MYBL2: variants seen among roughly 807,000 people sequenced by gnomAD.
MYBL2 encodes the protein myb-related protein B.
MYBL2 carries 28 observed loss-of-function variants against 79.9 expected under a neutral mutation model. The observed-to-expected ratio is 0.35, with a 90% confidence interval of 0.26 to 0.48. The LOEUF (loss-of-function observed/expected upper bound fraction) is 0.48, where lower values mean the gene tolerates loss of function less well. Among genes scored for constraint, MYBL2 ranks in the 20% least tolerant of loss-of-function variants. The pLI, the probability that MYBL2 is intolerant of heterozygous loss-of-function variation, is 0.99. For missense variants in MYBL2, 735 were observed against 893.9 expected (o/e 0.82, Z 2.27); for synonymous variants, 378 against 361.2 (o/e 1.05, Z -0.53).
At chr20:43,688,903 C>T (rs552877295) in intron 5 of MYBL2, among the ~76,000 whole-genome samples, 1 of 152,290 alleles carries the variant, frequency 6.6e-6, no homozygotes, top group African/African-American at 2.4e-5. Flanking sequence ...GATTCTCCTG[C>T]CTCAGCCTCC....
Position 43,711,611 on chromosome 20 carries a change from G to T in MYBL2, c.1719+10G>T. ...GAAGAGGAAGCCTGGGGTGAGTAGGGTAGGGGTGGGAGAGCCTGGGCAGGG... is the reference window on the plus strand; with the variant it reads ...GAAGAGGAAGCCTGGGGTGAGTAGGTTAGGGGTGGGAGAGCCTGGGCAGGG... On this transcript the variant is annotated intron_variant, in intron 11 of 13. Coordinates refer to ENST00000217026, the MANE Select transcript of MYBL2 (RefSeq NM_002466.4). 1 of 1,606,600 alleles carries T rather than the reference G, an allele frequency of 6.2e-7. No homozygotes were observed. Among genetic ancestry groups the T allele is most frequent in the South Asian group, 1.1e-5 (1 of 90,020 alleles).
At chr20:43,694,539 T>TA (rs1987487573) in intron 6 of MYBL2, among the ~76,000 whole-genome samples, 1 of 152,188 alleles carries the variant, frequency 6.6e-6, no homozygotes, top group Non-Finnish European at 1.5e-5. Flanking sequence ...TGTTGACAGT[T>TA]ACAATTCTTC....
intron 9 of MYBL2, among the ~76,000 whole-genome samples, chr20:43,707,766 T>A (rs537388951): frequency 1.3e-5 from 2 of 152,186 alleles, no homozygotes; most frequent in South Asian, 4.1e-4. Flanking sequence ...TCTCTATTTT[T>A]TTCCCCCCCG....
chr20:43,672,026 G>T (rs1462065234), intron 1 of MYBL2, among the ~76,000 whole-genome samples: 1 of 151,458 alleles, frequency 6.6e-6, no homozygotes, highest in African/African-American at 2.4e-5. Flanking sequence ...TGGCCAAGAT[G>T]GTGAAACCCT....
At chr20:43,681,171 T>G (rs1987132784) in intron 2 of MYBL2, among the ~76,000 whole-genome samples, 1 of 152,170 alleles carries the variant, frequency 6.6e-6, no homozygotes. Flanking sequence ...TAACTACTCT[T>G]GTTTTTGCCC....
chr20:43,705,076 CTG>C, intron 8 of MYBL2, 141 bp from the exon 9 acceptor site: 1 of 1,033,838 alleles, frequency 9.7e-7, no homozygotes. Flanking sequence ...TCTCGGGTGT[CTG>C]ATGGGTCAAG....
chr20:43,688,141 C>A (rs1284583038), intron 5 of MYBL2, among the ~76,000 whole-genome samples: 1 of 151,122 alleles, frequency 6.6e-6, no homozygotes, highest in Non-Finnish European at 1.5e-5. Flanking sequence ...AAATTATTTT[C>A]CCTAAAAATT....
intron 6 of MYBL2, among the ~76,000 whole-genome samples, chr20:43,694,325 C>G (rs576807365): frequency 4.5e-4 from 68 of 151,980 alleles, no homozygotes; most frequent in Middle Eastern, 6.8e-3. Flanking sequence ...GAGTGAGACT[C>G]TGTCACAAAA....
intron 1 of MYBL2, among the ~76,000 whole-genome samples, chr20:43,672,427 CAAAA>C (rs3091561): frequency 8.3e-5 from 12 of 144,996 alleles, no homozygotes; most frequent in South Asian, 6.6e-4. Flanking sequence ...CCTGTCATTA[CAAAA>C]AAAAAAAAAA....
At chr20:43,711,236 G>A (rs1027917193) in intron 10 of MYBL2, among the ~76,000 whole-genome samples, 1 of 152,224 alleles carries the variant, frequency 6.6e-6, no homozygotes. Flanking sequence ...GCACAGGGCT[G>A]TGTGAGGGTT....
At chr20:43,680,424 A>G (rs915185142) in intron 2 of MYBL2, among the ~76,000 whole-genome samples, 9 of 152,362 alleles carry the variant, frequency 5.9e-5, no homozygotes, top group Admixed American at 1.3e-4. Context: ...GCTTTCATCC[A>G]TGCTGTAGCA....
chr20:43,686,828 G>C, intron 4 of MYBL2, 24 bp from the exon 5 acceptor site: 1 of 1,610,402 alleles, frequency 6.2e-7, no homozygotes, highest in Non-Finnish European at 8.5e-7. Context: ...GGTGCAAGTG[G>C]CTACCCAGAG....
intron 1 of MYBL2, among the ~76,000 whole-genome samples, chr20:43,671,235 A>AG (rs1986846759): frequency 6.6e-6 from 1 of 152,022 alleles, no homozygotes; most frequent in African/African-American, 2.4e-5. Context: ...TGCTCACTGC[A>AG]ACCTCCGCCT....
Position 43,715,257 on chromosome 20 carries a change from C to G in MYBL2, c.1948C>G (p.Arg650Gly). ...GAAGGCAGCAGTGGCCCAGAAGCCC[C>G]GAAGCCACTTCACGACACCTGCCCC... is the stretch of plus-strand genomic sequence containing the variant. ...PEKAAVAQKP[R>G]SHFTTPAPMS... Residue 650 changes from arginine (R) to glycine (G), a missense_variant, in exon 13 of 14, where the codon CGA becomes GGA. Arg to Gly is a moderately radical substitution (Grantham distance 125). Coordinates refer to ENST00000217026, the MANE Select transcript of MYBL2 (RefSeq NM_002466.4). The G allele has an allele frequency of 6.2e-7, 1 of 1,614,216 alleles. No individual in the cohort carries two copies. Among genetic ancestry groups the G allele is most frequent in the Non-Finnish European group, 8.5e-7 (1 of 1,180,034 alleles).
chr20:43,672,401 G>T (rs1240183513), intron 1 of MYBL2, among the ~76,000 whole-genome samples: 1 of 149,810 alleles, frequency 6.7e-6, no homozygotes, highest in East Asian at 2.0e-4. Context: ...GACCAGTCTG[G>T]GTAGCATACT....
At chr20:43,700,522 G>C (rs1032554004) in intron 7 of MYBL2, among the ~76,000 whole-genome samples, 1 of 152,144 alleles carries the variant, frequency 6.6e-6, no homozygotes, top group Non-Finnish European at 1.5e-5. Flanking sequence ...TTACTGTGTT[G>C]GCTGTGTGGT....
At chr20:43,715,661 C>T (rs573984757) in intron 13 of MYBL2, among the ~76,000 whole-genome samples, 20 of 152,278 alleles carry the variant, frequency 1.3e-4, no homozygotes, top group African/African-American at 4.3e-4. Flanking sequence ...GCTGCTGACC[C>T]GTCTCACTGC....
In MYBL2 at chr20:43,710,004, C is replaced by T. The variant is rs201977983; in HGVS notation, c.1547C>T (p.Pro516Leu). 4.3e-6 allele frequency: 7 copies of T among 1,609,264 alleles called. No individual in the cohort carries two copies. Among genetic ancestry groups the T allele is most frequent in the Non-Finnish European group, 5.9e-6 (7 of 1,177,796 alleles). The change falls in exon 10 of 14, where the codon CCC (proline) becomes CTC (leucine). Residue 516 changes from proline to leucine, a missense_variant. This residue lies in a region of MYBL2 where 243 missense variants were observed against 327.2 expected (regional missense o/e 0.74). Coordinates refer to ENST00000217026, the MANE Select transcript of MYBL2 (RefSeq NM_002466.4). The part of the protein sequence containing the change: ...PDQKYSMDNT[P>L]HTPTPFKNAL... ...CAGAAGTACTCCATGGACAACACTC[C>T]CCACACGCCAACCCCGTTCAAGAAC... is the stretch of plus-strand genomic sequence containing the variant.
intron 10 of MYBL2, among the ~76,000 whole-genome samples, 182 bp from the exon 11 acceptor site, chr20:43,711,306 C>G (rs1382810377): frequency 6.6e-6 from 1 of 152,210 alleles, no homozygotes; most frequent in African/African-American, 2.4e-5. Context: ...AGGTCATCAG[C>G]TGCTTGTCCA....
Sources: allele counts gnomAD v4.1 joint callset (sites outside exome capture counted in the v4.1 genomes callset), GRCh38; gene constraint gnomAD v4.1.1; regional missense constraint gnomAD v4.1.1; transcripts MANE v1.5; gene names NCBI Gene and HGNC (gene_info 2026-07-23, HGNC 2026-07-21).